Variants in CALN1 observed in about 807,000 individuals in gnomAD.
CALN1 encodes the protein calneuron 1.
Under a neutral mutation model 30.6 loss-of-function variants are expected in CALN1, and 17 were observed. The ratio of observed to expected loss-of-function variants is 0.56; its 90% confidence interval spans 0.38 to 0.83. The LOEUF is 0.83. CALN1 is among the 40% of genes least tolerant of loss of function. The probability of loss-of-function intolerance (pLI) is 0.00; values close to 1 mark genes in which losing one functional copy is unlikely to be tolerated. For synonymous variants in CALN1, 156 were observed against 131.4 expected (o/e 1.19, Z -1.28); for missense variants, 291 against 354.9 (o/e 0.82, Z 1.45).
intron 5 of CALN1, among the ~76,000 whole-genome samples, chr7:71,941,858 G>A (rs957215638): frequency 4.6e-5 from 7 of 152,238 alleles, no homozygotes; most frequent in East Asian, 1.9e-4. Context: ...AATGTTTGGG[G>A]ATTAGGGATT....
intron 5 of CALN1, among the ~76,000 whole-genome samples, chr7:71,871,349 G>A (rs535739023): frequency 6.6e-6 from 1 of 152,244 alleles, no homozygotes; most frequent in Admixed American, 6.5e-5. Flanking sequence ...CCCGGTATCT[G>A]TAGCCTGTAG....
intron 3 of CALN1, among the ~76,000 whole-genome samples, chr7:72,261,241 G>A (rs1796252622): frequency 6.6e-6 from 1 of 152,152 alleles, no homozygotes; most frequent in Admixed American, 6.5e-5. Context: ...CTGGGAGGCA[G>A]AGGTTGCAGT....
chr7:72,048,764 C>T (rs1057329030), intron 4 of CALN1, among the ~76,000 whole-genome samples: 1 of 151,044 alleles, frequency 6.6e-6, no homozygotes, highest in Non-Finnish European at 1.5e-5. Context: ...TTCCTTTCCT[C>T]CCTGCCTTTT....
intron 2 of CALN1, among the ~76,000 whole-genome samples, chr7:72,328,365 T>C (rs531694162): frequency 2.0e-5 from 3 of 152,310 alleles, no homozygotes; most frequent in East Asian, 3.9e-4. Context: ...GTTTTACAAA[T>C]GGGAGCTCCC....
intron 2 of CALN1, among the ~76,000 whole-genome samples, chr7:72,288,346 G>C (rs894076103): frequency 1.3e-5 from 2 of 152,240 alleles, no homozygotes; most frequent in East Asian, 1.9e-4. Context: ...TATGACATGG[G>C]AGCTGGATCA....
intron 4 of CALN1, among the ~76,000 whole-genome samples, chr7:72,056,546 TA>T (rs1225674163): frequency 2.6e-4 from 39 of 152,024 alleles, no homozygotes; most frequent in Admixed American, 7.9e-4. Flanking sequence ...AATTAGAGGA[TA>T]AAAAATTAGA....
At chr7:72,400,729 T>C (rs145615598) in intron 2 of CALN1, among the ~76,000 whole-genome samples, 1 of 152,240 alleles carries the variant, frequency 6.6e-6, no homozygotes, top group East Asian at 1.9e-4. Flanking sequence ...ATTAGCTGGG[T>C]TTGGTGGTGG....
At chr7:71,870,810 A>G (rs1347247472) in intron 5 of CALN1, among the ~76,000 whole-genome samples, 1 of 152,176 alleles carries the variant, frequency 6.6e-6, no homozygotes, top group African/African-American at 2.4e-5. Flanking sequence ...TATTTTACTT[A>G]TTCTGAATTA....
intron 3 of CALN1, among the ~76,000 whole-genome samples, chr7:72,148,103 A>C (rs1563098485): frequency 6.7e-6 from 1 of 148,770 alleles, no homozygotes. Context: ...AAAAAAAATA[A>C]AAAAAAAAAA....
Position 72,215,569 on chromosome 7 carries a change from G to A in CALN1, c.244+63117C>T, listed in dbSNP as rs370328285. On this transcript the variant is annotated intron_variant, in intron 3 of 6. Transcript: ENST00000395275. ...AGATCACGCCACTGCACTCTAGCTG[G>A]GTGACAAGAGCGAAACTCCTGCTCA... 1.3e-4 allele frequency among the ~76,000 whole-genome samples: 20 copies of A among 148,866 alleles called. 1 individual carries two copies. In the East Asian group the frequency reaches 3.2e-3, roughly 24 times the overall value.
At chr7:72,206,810 ATTCAGCCT>A (rs1791921482) in intron 3 of CALN1, among the ~76,000 whole-genome samples, 1 of 152,106 alleles carries the variant, frequency 6.6e-6, no homozygotes, top group African/African-American at 2.4e-5. Flanking sequence ...TTTCCTGCTT[ATTCAGCCT>A]TTAATAAGAA....
chr7:72,502,294 T>C, the CALN1 span, among the ~76,000 whole-genome samples: 1 of 150,306 alleles, frequency 6.7e-6, no homozygotes, highest in Non-Finnish European at 1.5e-5. Context: ...TTTAAAATCT[T>C]CAGATTTTTT....
At chr7:72,444,443 T>C (rs1808457687) in intron 1 of CALN1, among the ~76,000 whole-genome samples, 1 of 152,222 alleles carries the variant, frequency 6.6e-6, no homozygotes, top group African/African-American at 2.4e-5. Context: ...TGAGTGAGAA[T>C]TGGTTTTGCT....
chr7:72,482,941 C>A, the CALN1 span, among the ~76,000 whole-genome samples: 1 of 152,056 alleles, frequency 6.6e-6, no homozygotes, highest in Non-Finnish European at 1.5e-5. Context: ...AGAACTCTTT[C>A]TTTCACTTCC....
At chr7:72,281,075 C>T (rs1376233023) in intron 2 of CALN1, among the ~76,000 whole-genome samples, 1 of 151,860 alleles carries the variant, frequency 6.6e-6, no homozygotes, top group African/African-American at 2.4e-5. Context: ...ACCCAGGAGG[C>T]AGAGGTTGCA....
intron 5 of CALN1, among the ~76,000 whole-genome samples, chr7:71,899,434 C>G (rs978411695): frequency 1.3e-5 from 2 of 152,118 alleles, no homozygotes; most frequent in Non-Finnish European, 2.9e-5. Flanking sequence ...TGAGCCACCA[C>G]GCCCGGCTGA....
chr7:71,839,888 A>G (rs1009925838), intron 5 of CALN1, among the ~76,000 whole-genome samples: 1 of 152,124 alleles, frequency 6.6e-6, no homozygotes, highest in African/African-American at 2.4e-5. Flanking sequence ...GCCCACCCAG[A>G]TTCAAAGGGT....
In CALN1 at chr7:72,074,541, G is replaced by A. The variant is rs545887754; in HGVS notation, c.388+31610C>T. On this transcript the variant is annotated intron_variant, in intron 4 of 6. Transcript: ENST00000395275. ...TCCTGCCTCAGCCTCCTGAGTAGCTGGGATTACAGGCACCCACCACCACTC... is the reference window on the plus strand; with the variant it reads ...TCCTGCCTCAGCCTCCTGAGTAGCTAGGATTACAGGCACCCACCACCACTC... Among the ~76,000 whole-genome samples the A allele has an allele frequency of 6.6e-5, 10 of 152,232 alleles. No homozygotes were observed. The East Asian group carries it at 1.5e-3, about 24-fold the overall frequency.
At chr7:71,812,341 G>A in intron 5 of CALN1, among the ~76,000 whole-genome samples, 1 of 152,154 alleles carries the variant, frequency 6.6e-6, no homozygotes, top group East Asian at 1.9e-4. Flanking sequence ...AATTCTAAAA[G>A]ACAATGTACT....
Sources: allele counts gnomAD v4.1 joint callset (sites outside exome capture counted in the v4.1 genomes callset), GRCh38; gene constraint gnomAD v4.1.1; transcripts MANE v1.5; gene names NCBI Gene and HGNC (gene_info 2026-07-23, HGNC 2026-07-21).